The following GASK1A variants were observed in gnomAD, a reference collection of about 807,000 sequenced individuals.
GASK1A encodes golgi associated kinase 1A.
In GASK1A, 40 loss-of-function variants were observed where a neutral mutation model predicts 41.2. That is an observed-to-expected ratio of 0.97 (90% confidence interval 0.75 to 1.27). The LOEUF is 1.27. Among genes scored for constraint, GASK1A ranks in the 50% most tolerant of loss-of-function variants. The pLI is 0.00. For missense variants in GASK1A, 678 were observed against 745.1 expected (o/e 0.91, Z 1.05); for synonymous variants, 316 against 307.1 (o/e 1.03, Z -0.30).
chr3:42,980,701 G>A (rs2089278488), intron 1 of GASK1A, among the ~76,000 whole-genome samples: 1 of 152,100 alleles, frequency 6.6e-6, no homozygotes, highest in South Asian at 2.1e-4. Context: ...GGAGCTGGGG[G>A]CTCAGGGAAG....
At chr3:42,991,674 A>C (rs1427173169) in intron 1 of GASK1A, among the ~76,000 whole-genome samples, 6 of 152,170 alleles carry the variant, frequency 3.9e-5, no homozygotes, top group African/African-American at 7.2e-5. Flanking sequence ...GCGGAGGTGG[A>C]GGCTGCAGGC....
chr3:43,021,437 T>G (rs959696398), intron 1 of GASK1A, among the ~76,000 whole-genome samples: 1 of 152,176 alleles, frequency 6.6e-6, no homozygotes, highest in African/African-American at 2.4e-5. Flanking sequence ...AGCTTCTCTT[T>G]CTGTCTCTAC....
chr3:43,022,984 T>A lies in GASK1A; in HGVS notation c.4-9283T>A, dbSNP rs2089529622. 2.0e-5 allele frequency among the ~76,000 whole-genome samples: 3 copies of A among 152,238 alleles called. No individual in the cohort carries two copies. In the South Asian group the frequency reaches 6.2e-4, roughly 32 times the overall value. On this transcript the variant is annotated intron_variant, in intron 1 of 4. Coordinates refer to ENST00000430121, the MANE Select transcript of GASK1A (RefSeq NM_001129908.3). ...TCAATCAAAGCAAGTTGTGGCATAG[T>A]CATTTCCTTTATGCTGAAAATAATT... is the stretch of plus-strand genomic sequence containing the variant.
chr3:43,042,649 C>T (rs2089643522), intron 2 of GASK1A, among the ~76,000 whole-genome samples: 1 of 152,132 alleles, frequency 6.6e-6, no homozygotes, highest in South Asian at 2.1e-4. Context: ...AGCTTTCTTG[C>T]CCAGAACCTA....
At chr3:43,050,150 T>G (rs1234495631) in intron 2 of GASK1A, among the ~76,000 whole-genome samples, 1 of 152,200 alleles carries the variant, frequency 6.6e-6, no homozygotes, top group East Asian at 1.9e-4. Context: ...AAGTTACTAC[T>G]TAGTGTCCTT....
intron 2 of GASK1A, among the ~76,000 whole-genome samples, chr3:43,051,074 G>A (rs956954752): frequency 6.6e-6 from 1 of 152,070 alleles, no homozygotes; most frequent in Non-Finnish European, 1.5e-5. Flanking sequence ...TTCTTTGACT[G>A]TCTCATATTT....
chr3:43,018,012 A>C (rs930486517), intron 1 of GASK1A, among the ~76,000 whole-genome samples: 5 of 152,164 alleles, frequency 3.3e-5, no homozygotes, highest in African/African-American at 9.7e-5. Flanking sequence ...GTATGAAGTC[A>C]CAGGAAGGGC....
At chr3:43,019,690 G>A (rs1010073924) in intron 1 of GASK1A, among the ~76,000 whole-genome samples, 1 of 151,890 alleles carries the variant, frequency 6.6e-6, no homozygotes, top group African/African-American at 2.4e-5. Flanking sequence ...AAAGGTCGGG[G>A]AACAGAAACT....
intron 1 of GASK1A, among the ~76,000 whole-genome samples, chr3:43,004,502 T>A (rs1464121877): frequency 6.6e-6 from 1 of 152,224 alleles, no homozygotes; most frequent in African/African-American, 2.4e-5. Context: ...CAGTAGAAGA[T>A]GACTCACTGG....
chr3:43,044,493 G>T (rs2089652580), intron 2 of GASK1A, among the ~76,000 whole-genome samples: 1 of 152,126 alleles, frequency 6.6e-6, no homozygotes, highest in Non-Finnish European at 1.5e-5. Context: ...TTTACATCCT[G>T]TGTGGTCCTC....
chr3:43,055,399 C>A, intron 3 of GASK1A, 33 bp from the exon 4 acceptor site: 2 of 1,491,884 alleles, frequency 1.3e-6, no homozygotes, highest in South Asian at 1.2e-5. Context: ...GCACCCTTAC[C>A]CACCTCTGTC....
rs776498353 is a variant in GASK1A at position 43,033,350 on chromosome 3, G to A, written c.1087G>A (p.Gly363Ser). The A allele has an allele frequency of 1.8e-5, 28 of 1,551,232 alleles. No homozygotes were observed. The East Asian group carries it at 4.4e-4, about 24-fold the overall frequency. The change falls in exon 2 of 5, where the codon GGT becomes AGT. Residue 363 changes from glycine to serine, a missense_variant. Gly to Ser is a moderately conservative substitution (Grantham distance 56). Coordinates refer to ENST00000430121, the MANE Select transcript of GASK1A (RefSeq NM_001129908.3). Reference protein sequence around the residue: ...SPLLPYRYTDGGARPVIWWAP... With the variant: ...SPLLPYRYTDSGARPVIWWAP... ...CCTCCTGCCCTACCGATACACAGAC[G>A]GTGGAGCAAGGCCTGTCATCTGGTG...
At chr3:42,998,740 G>A (rs956427777) in intron 1 of GASK1A, among the ~76,000 whole-genome samples, 3 of 152,094 alleles carry the variant, frequency 2.0e-5, no homozygotes, top group South Asian at 2.1e-4. Context: ...GCTTACTCCC[G>A]CTCCCTGTGA....
At chr3:43,004,084 G>T (rs1427402232) in intron 1 of GASK1A, among the ~76,000 whole-genome samples, 2 of 152,166 alleles carry the variant, frequency 1.3e-5, no homozygotes, top group African/African-American at 4.8e-5. Context: ...TTATTTTCCT[G>T]CCTGCCTCAT....
At chr3:42,996,106 G>C (rs1200401660) in intron 1 of GASK1A, among the ~76,000 whole-genome samples, 2 of 131,458 alleles carry the variant, frequency 1.5e-5, no homozygotes, top group Non-Finnish European at 3.3e-5. Flanking sequence ...GACTGGACCA[G>C]GGCAACCAGC....
intron 2 of GASK1A, 100 bp from the exon 3 acceptor site, chr3:43,053,411 GCTGTGGCCCC>G: frequency 7.8e-7 from 1 of 1,274,458 alleles, no homozygotes; most frequent in Non-Finnish European, 1.1e-6. Context: ...GGTCACCCCT[GCTGTGGCCCC>G]AGGGTCATGT....
At chr3:42,983,331 C>G (rs1014960039) in intron 1 of GASK1A, among the ~76,000 whole-genome samples, 4 of 152,006 alleles carry the variant, frequency 2.6e-5, no homozygotes, top group African/African-American at 9.7e-5. Flanking sequence ...AATAGGTTTG[C>G]TTTTTGTTAG....
chr3:43,048,165 CAG>C (rs2125691451), intron 2 of GASK1A, among the ~76,000 whole-genome samples: 1 of 152,274 alleles, frequency 6.6e-6, no homozygotes, highest in East Asian at 1.9e-4. Context: ...ACATATGAGA[CAG>C]AGACTTGCTA....
At position 43,032,355 on chromosome 3, in the gene GASK1A, C is replaced by G; in HGVS notation, c.92C>G (p.Thr31Ser). The G allele has an allele frequency of 6.4e-7, 1 of 1,551,498 alleles. No individual in the cohort carries two copies. Among genetic ancestry groups the G allele is most frequent in the Non-Finnish European group, 8.7e-7 (1 of 1,146,828 alleles). ...ATGATCCTATCTGCGATGGCTGTCA[C>G]CCGCTTTCCCCCACAGCGTCCATCC... is the stretch of plus-strand genomic sequence containing the variant. ...LLMILSAMAV[T>S]RFPPQRPSAG... The change falls in exon 2 of 5, where the codon ACC becomes AGC. Residue 31 changes from threonine (T) to serine (S), a missense_variant. Thr to Ser is a moderately conservative substitution (Grantham distance 58, BLOSUM62 1). Transcript: ENST00000430121.
Sources: gnomAD v4.1 joint callset for allele counts (sites outside exome capture counted in the v4.1 genomes callset) on GRCh38, gnomAD v4.1.1 for gene constraint, MANE v1.5 for transcripts, NCBI Gene and HGNC (gene_info 2026-07-23, HGNC 2026-07-21) for gene names.